SLC44A5: variants seen among roughly 807,000 people sequenced by gnomAD.
SLC44A5 encodes solute carrier family 44 member 5.
Under a neutral mutation model 101.8 loss-of-function variants are expected in SLC44A5, and 57 were observed. The observed-to-expected ratio is 0.56, with a 90% CI of 0.45 to 0.70. The LOEUF (loss-of-function observed/expected upper bound fraction) is 0.70, where lower values mean the gene tolerates loss of function less well. Among genes scored for constraint, SLC44A5 ranks in the 30% least tolerant of loss-of-function variants. The pLI is 0.00. For synonymous variants in SLC44A5, 281 were observed against 290.9 expected, an observed-to-expected ratio of 0.97 and a Z score of 0.35; for missense variants, 737 against 853.1, an observed-to-expected ratio of 0.86 and a Z score of 1.70.
At chr1:75,587,022 G>A (rs776277514) in intron 1 of SLC44A5, among the ~76,000 whole-genome samples, 14 of 152,104 alleles carry the variant, frequency 9.2e-5, no homozygotes, top group Non-Finnish European at 1.9e-4. Context: ...GGGCAGGCTG[G>A]TGCCCCCTAG....
intron 2 of SLC44A5, among the ~76,000 whole-genome samples, 161 bp downstream of exon 2, chr1:75,541,274 G>A (rs1314716919): frequency 1.3e-5 from 2 of 152,110 alleles, no homozygotes; most frequent in African/African-American, 4.8e-5. Flanking sequence ...CAAAGACGGA[G>A]AACCACAAGG....
chr1:75,631,889 G>A, the SLC44A5 span, among the ~76,000 whole-genome samples: 1 of 152,050 alleles, frequency 6.6e-6, no homozygotes, highest in South Asian at 2.1e-4. Context: ...CTGGCCTCAA[G>A]CTCCTGAGCT....
At chr1:75,234,239 TA>T in intron 11 of SLC44A5, 141 bp from the exon 12 acceptor site, 4 of 655,490 alleles carry the variant, frequency 6.1e-6, no homozygotes, top group Admixed American at 2.9e-5. Flanking sequence ...TTAATAATGT[TA>T]AAAAGTGTAA....
At chr1:75,561,930 T>G (rs960413711) in intron 1 of SLC44A5, among the ~76,000 whole-genome samples, 3 of 152,014 alleles carry the variant, frequency 2.0e-5, no homozygotes, top group African/African-American at 4.8e-5. Context: ...ATGTAATATT[T>G]TTTGTTATAA....
chr1:75,685,946 C>T, the SLC44A5 span, among the ~76,000 whole-genome samples: 1 of 152,168 alleles, frequency 6.6e-6, no homozygotes, highest in Non-Finnish European at 1.5e-5. Context: ...CCATGACTTA[C>T]AATCATGGTA....
intron 1 of SLC44A5, among the ~76,000 whole-genome samples, chr1:75,604,207 G>A (rs146191669): frequency 1.8e-3 from 278 of 152,152 alleles, no homozygotes; most frequent in African/African-American, 6.1e-3. Flanking sequence ...CAAGGTAGGG[G>A]TCCAGTTTCA....
chr1:75,373,084 A>G (rs1056538976), intron 3 of SLC44A5, among the ~76,000 whole-genome samples: 2 of 152,194 alleles, frequency 1.3e-5, no homozygotes, highest in Non-Finnish European at 2.9e-5. Context: ...TCAGGTCAAC[A>G]TTTAAATTAG....
At chr1:75,706,533 C>T in the SLC44A5 span, among the ~76,000 whole-genome samples, 2 of 152,008 alleles carry the variant, frequency 1.3e-5, no homozygotes, top group Non-Finnish European at 2.9e-5. Context: ...ATTAAAATTA[C>T]CTAGTGTGAT....
At chr1:75,699,203 A>G in the SLC44A5 span, among the ~76,000 whole-genome samples, 2 of 152,072 alleles carry the variant, frequency 1.3e-5, no homozygotes, top group Non-Finnish European at 2.9e-5. Context: ...CATAATTGTC[A>G]GATTCACCAA....
chr1:75,495,094 A>T (rs2101821578), intron 2 of SLC44A5, among the ~76,000 whole-genome samples: 1 of 152,274 alleles, frequency 6.6e-6, no homozygotes, highest in African/African-American at 2.4e-5. Context: ...GAAATATGTG[A>T]CAAACAGAAG....
intron 1 of SLC44A5, among the ~76,000 whole-genome samples, chr1:75,607,302 T>C (rs541639198): frequency 3.3e-5 from 5 of 152,074 alleles, no homozygotes; most frequent in Non-Finnish European, 7.4e-5. Context: ...TGTTAGTTTT[T>C]AAAATTATAT....
chr1:75,238,582 C>A lies in SLC44A5; in HGVS notation c.587G>T (p.Gly196Val). 1 of 1,594,250 alleles carries A rather than the reference C, an allele frequency of 6.3e-7. No homozygotes were observed. Among genetic ancestry groups the A allele is most frequent in the Non-Finnish European group, 8.5e-7 (1 of 1,169,832 alleles). ...FSTKNGTLTI[G>V]SKMMFQDGNG... ...TCCATCTTGAAACATCATCTTACTT[C>A]CTATTGTTAAAGTGCCATTTTTGGT... The change falls in exon 10 of 24, where the codon GGA becomes GTA. Residue 196 changes from glycine (G) to valine (V), a missense_variant. Transcript: ENST00000370859.
chr1:75,538,375 T>G (rs1477542447), intron 2 of SLC44A5, among the ~76,000 whole-genome samples: 1 of 152,206 alleles, frequency 6.6e-6, no homozygotes, highest in Non-Finnish European at 1.5e-5. Context: ...GATATAGATA[T>G]GATATAAATG....
chr1:75,260,104 G>C (rs1650362789), intron 6 of SLC44A5, among the ~76,000 whole-genome samples: 1 of 152,134 alleles, frequency 6.6e-6, no homozygotes, highest in Admixed American at 6.5e-5. Context: ...TCGATGCTAG[G>C]AAGAAACTGC....
chr1:75,601,261 A>G (rs1407988260), intron 1 of SLC44A5, among the ~76,000 whole-genome samples: 1 of 152,064 alleles, frequency 6.6e-6, no homozygotes, highest in Non-Finnish European at 1.5e-5. Flanking sequence ...CATTCTCAGC[A>G]AACTAACACA....
At chr1:75,364,200 A>T (rs1659697463) in intron 3 of SLC44A5, among the ~76,000 whole-genome samples, 1 of 152,148 alleles carries the variant, frequency 6.6e-6, no homozygotes, top group Admixed American at 6.6e-5. Context: ...CCATTCTTGC[A>T]TTGCTATAAA....
chr1:75,351,141 A>G (rs1439030031), intron 3 of SLC44A5, among the ~76,000 whole-genome samples: 1 of 151,876 alleles, frequency 6.6e-6, no homozygotes, highest in Non-Finnish European at 1.5e-5. Flanking sequence ...ATAATAATAA[A>G]GGTTCAGTTA....
intron 1 of SLC44A5, among the ~76,000 whole-genome samples, chr1:75,567,901 A>G (rs1339994314): frequency 6.6e-6 from 1 of 152,224 alleles, no homozygotes; most frequent in Non-Finnish European, 1.5e-5. Flanking sequence ...TATTATTGGA[A>G]GAGCAATTTC....
chr1:75,251,226 T>C lies in SLC44A5; in HGVS notation c.329A>G (p.Gln110Arg). The C allele has an allele frequency of 6.2e-7, 1 of 1,613,280 alleles. No homozygotes were observed. The highest frequency in any genetic ancestry group is 1.1e-5 in the South Asian group (1 of 91,046). ...CTSPSVLLNLQCPTTQICVSK... is the reference protein window; with the variant it reads ...CTSPSVLLNLRCPTTQICVSK... ...TTGCCTTACCTGTGTGGTAGGGCAC[T>C]GTAGGTTTAGCAACACGGAGGGACT... Residue 110 changes from glutamine to arginine, a missense_variant, in exon 7 of 24, where the codon CAG becomes CGG. Physicochemically the swap from Gln to Arg is conservative, Grantham distance 43. This residue lies in a region of SLC44A5 where 665 missense variants were observed against 764.4 expected (regional missense o/e 0.87). Transcript: ENST00000370859.
Sources: gnomAD v4.1 joint callset for allele counts (sites outside exome capture counted in the v4.1 genomes callset) on GRCh38, gnomAD v4.1.1 for gene constraint, gnomAD v4.1.1 regional missense constraint, MANE v1.5 for transcripts, NCBI Gene and HGNC (gene_info 2026-07-23, HGNC 2026-07-21) for gene names.